RANBP2: variants seen among roughly 807,000 people sequenced by gnomAD.
RANBP2 encodes RAN binding protein 2.
Under a neutral mutation model 303.6 loss-of-function variants are expected in RANBP2, and 57 were observed. The observed-to-expected ratio is 0.19, with a 90% CI of 0.15 to 0.23. The LOEUF (loss-of-function observed/expected upper bound fraction) is 0.23. Ranked by LOEUF, RANBP2 falls within the 10% of genes least tolerant of loss-of-function variation. The pLI, the probability that RANBP2 is intolerant of heterozygous loss-of-function variation, is 1.00. For missense variants in RANBP2, 3,138 were observed against 3,780.8 expected, an observed-to-expected ratio of 0.83 and a Z score of 4.46; for synonymous variants, 1,167 against 1,301.5, an observed-to-expected ratio of 0.90 and a Z score of 2.23.
the RANBP2 span, among the ~76,000 whole-genome samples, chr2:109,295,029 T>G: frequency 6.6e-6 from 1 of 152,262 alleles, no homozygotes; most frequent in Admixed American, 6.5e-5. Context: ...GCCATCGCTA[T>G]GAATTCTCAG....
chr2:109,164,649 A>T, the RANBP2 span, among the ~76,000 whole-genome samples: 6,234 of 152,248 alleles, frequency 0.041, 413 homozygotes, highest in African/African-American at 0.14. Flanking sequence ...GGGAGGGGGA[A>T]AAAAGAGCAC....
At chr2:108,894,202 G>GTGA in the RANBP2 span, among the ~76,000 whole-genome samples, 5 of 152,196 alleles carry the variant, frequency 3.3e-5, no homozygotes, top group East Asian at 1.9e-4. Flanking sequence ...AAATAGATAA[G>GTGA]TGATACAATG....
At chr2:108,772,164 G>A (rs960351226) in intron 21 of RANBP2, among the ~76,000 whole-genome samples, 1 of 152,158 alleles carries the variant, frequency 6.6e-6, no homozygotes, top group Non-Finnish European at 1.5e-5. Context: ...GAGAGAAGGC[G>A]GACAAGGTTC....
intron 18 of RANBP2, 112 bp downstream of exon 18, chr2:108,758,660 T>C (rs1676505863): frequency 1.3e-6 from 2 of 1,562,076 alleles, no homozygotes; most frequent in African/African-American, 1.4e-5. Flanking sequence ...AATATACATG[T>C]CAACGTCTGT....
At chr2:109,213,424 A>G in the RANBP2 span, among the ~76,000 whole-genome samples, 1 of 152,186 alleles carries the variant, frequency 6.6e-6, no homozygotes, top group Non-Finnish European at 1.5e-5. Context: ...TAGGGAAGAA[A>G]GTGTTCCCAG....
the RANBP2 span, chr2:109,614,724 C>A: frequency 1.3e-6 from 2 of 1,488,808 alleles, no homozygotes; most frequent in African/African-American, 2.9e-5. Flanking sequence ...GTACGTGCAC[C>A]TCAAGAAGAG....
At chr2:108,788,304 C>T (rs1267181741), downstream of RANBP2, among the ~76,000 whole-genome samples, 1 of 151,990 alleles carries the variant, frequency 6.6e-6, no homozygotes, top group African/African-American at 2.4e-5. Context: ...CCTGTAATCC[C>T]AACTGCTGGG....
At chr2:109,153,444 G>T in the RANBP2 span, among the ~76,000 whole-genome samples, 1 of 152,188 alleles carries the variant, frequency 6.6e-6, no homozygotes, top group African/African-American at 2.4e-5. Flanking sequence ...TGCTGAGAAA[G>T]AAGTAACGAA....
the RANBP2 span, among the ~76,000 whole-genome samples, chr2:109,210,417 A>G: frequency 6.6e-6 from 1 of 152,252 alleles, no homozygotes; most frequent in Non-Finnish European, 1.5e-5. Context: ...GTCTGTAGGC[A>G]TTGAGCACAG....
At chr2:109,345,820 CT>C in the RANBP2 span, among the ~76,000 whole-genome samples, 1 of 152,170 alleles carries the variant, frequency 6.6e-6, no homozygotes, top group Admixed American at 6.5e-5. Flanking sequence ...GCTGATGGCT[CT>C]GGGCCAGGTC....
At chr2:109,136,196 A>G in the RANBP2 span, among the ~76,000 whole-genome samples, 1 of 151,876 alleles carries the variant, frequency 6.6e-6, no homozygotes, top group Non-Finnish European at 1.5e-5. Flanking sequence ...TCTATCTTTT[A>G]CAGTTAACAT....
At chr2:108,810,389 G>C in the RANBP2 span, among the ~76,000 whole-genome samples, 1 of 152,132 alleles carries the variant, frequency 6.6e-6, no homozygotes, top group East Asian at 1.9e-4. Flanking sequence ...CTTTTTCTGT[G>C]TCTATTGAAA....
At chr2:108,937,058 C>T in the RANBP2 span, among the ~76,000 whole-genome samples, 2 of 152,258 alleles carry the variant, frequency 1.3e-5, no homozygotes, top group Admixed American at 6.5e-5. Flanking sequence ...ACAGGCCAAA[C>T]GTCTTGGCAA....
At chr2:108,807,049 G>A in the RANBP2 span, among the ~76,000 whole-genome samples, 3 of 152,142 alleles carry the variant, frequency 2.0e-5, no homozygotes, top group Non-Finnish European at 4.4e-5. Context: ...TAAATGCCTA[G>A]CAGAGGAAAA....
At chr2:109,589,907 T>C in the RANBP2 span, among the ~76,000 whole-genome samples, 3 of 152,210 alleles carry the variant, frequency 2.0e-5, no homozygotes, top group South Asian at 4.1e-4. Flanking sequence ...AAACTACTGA[T>C]ACGTGTCACA....
chr2:108,886,117 G>A, the RANBP2 span, among the ~76,000 whole-genome samples: 2 of 152,070 alleles, frequency 1.3e-5, no homozygotes, highest in African/African-American at 2.4e-5. Flanking sequence ...TTTCCTTTGG[G>A]TAGATACCCA....
chr2:108,798,574 A>G, the RANBP2 span: 18 of 1,608,002 alleles, frequency 1.1e-5, no homozygotes, highest in Admixed American at 1.7e-5. Context: ...CAAGATTTCA[A>G]ATTATAAAAG....
At chr2:109,387,072 T>C in the RANBP2 span, among the ~76,000 whole-genome samples, 1 of 152,208 alleles carries the variant, frequency 6.6e-6, no homozygotes, top group Non-Finnish European at 1.5e-5. Flanking sequence ...CCAGTAAATA[T>C]GAATATATGT....
chr2:108,725,335 G>A (rs528332066), intron 1 of RANBP2, among the ~76,000 whole-genome samples: 2 of 152,118 alleles, frequency 1.3e-5, no homozygotes, highest in Admixed American at 6.5e-5. Context: ...TCATATAGAA[G>A]AATAATTTGT....
Sources: gnomAD v4.1 joint callset for allele counts (sites outside exome capture counted in the v4.1 genomes callset) on GRCh38, gnomAD v4.1.1 for gene constraint, MANE v1.5 for transcripts, NCBI Gene and HGNC (gene_info 2026-07-23, HGNC 2026-07-21) for gene names.